HGS: variants seen among roughly 807,000 people sequenced by gnomAD.
HGS encodes the protein human growth factor-regulated tyrosine kinase substrate.
In HGS, 63 loss-of-function variants were observed where a neutral mutation model predicts 109.7. The observed-to-expected ratio is 0.57, with a 90% CI of 0.47 to 0.71. HGS has a LOEUF of 0.71. Ranked by LOEUF, HGS falls within the 30% of genes least tolerant of loss-of-function variation. HGS has a pLI of 0.00. For missense variants in HGS, 995 were observed against 1,068.3 expected, an observed-to-expected ratio of 0.93 and a Z score of 0.96; for synonymous variants, 546 against 437.3, an observed-to-expected ratio of 1.25 and a Z score of -3.10.
rs778811993 is a variant in HGS at position 81,700,727 on chromosome 17, G to C, written c.2049G>C (p.Pro683=). 6.5e-7 allele frequency: 1 copy of C among 1,532,630 alleles called. No individual in the cohort carries two copies. The highest frequency in any genetic ancestry group is 8.9e-7 in the Non-Finnish European group (1 of 1,129,818). 94.9% of individuals were successfully genotyped at this position (1,532,630 alleles called of 1,614,324 possible). ...NVASQAPQSL[P]AISQPPQSST... ...CCTCCCAGGCCCCACAGAGCCTCCC[G>C]GCCATCTCTCAGCCTCCGCAGTCCA... Residue 683 remains proline, a synonymous_variant, in exon 20 of 22, where the codon CCG becomes CCC. Coordinates refer to ENST00000329138, the MANE Select transcript of HGS (RefSeq NM_004712.5).
intron 4 of HGS, 45 bp from the exon 5 acceptor site, chr17:81,688,659 G>T (rs370688379): frequency 1.9e-6 from 3 of 1,608,872 alleles, no homozygotes; most frequent in Non-Finnish European, 2.5e-6. Flanking sequence ...GGCCTCTGGC[G>T]CCTGGAGTGT....
At chr17:81,701,008 G>A in intron 20 of HGS, 37 bp from the exon 21 acceptor site, 1 of 1,589,500 alleles carries the variant, frequency 6.3e-7, no homozygotes, top group Non-Finnish European at 8.6e-7. Context: ...CCTGGTCACA[G>A]GGCTACTCTC....
At chr17:81,684,601 G>A (rs575900573) in intron 1 of HGS, among the ~76,000 whole-genome samples, 12 of 152,312 alleles carry the variant, frequency 7.9e-5, no homozygotes, top group Non-Finnish European at 1.0e-4. Flanking sequence ...CACTGGCTTC[G>A]GGAAGTGCCT....
In HGS at chr17:81,694,471, T is replaced by C. The variant is rs185288811; in HGVS notation, c.937-344T>C. On this transcript the variant is annotated intron_variant, in intron 11 of 21. Coordinates refer to ENST00000329138, the MANE Select transcript of HGS (RefSeq NM_004712.5). Reference sequence around the variant, plus strand: ...CCCCAGTGAGCCACCCCTTCCCTTCTTCCCTTCCTTCCGGGCTGTCGGCTG... The same window carrying C: ...CCCCAGTGAGCCACCCCTTCCCTTCCTCCCTTCCTTCCGGGCTGTCGGCTG... Among the ~76,000 whole-genome samples the C allele has an allele frequency of 2.0e-5, 3 of 152,314 alleles. No individual in the cohort carries two copies. In the East Asian group the frequency reaches 5.8e-4, roughly 29 times the overall value.
At chr17:81,688,947 A>C in intron 5 of HGS, 120 bp downstream of exon 5, 1 of 1,367,570 alleles carries the variant, frequency 7.3e-7, no homozygotes, top group Non-Finnish European at 1.0e-6. Context: ...GGGAGGGAGG[A>C]GGGCGGTGGC....
rs1293530843 is a variant in HGS at position 81,696,749 on chromosome 17, C to T, written c.1707+2C>T. On this transcript the variant is annotated splice_donor_variant, in intron 17 of 21. Transcript: ENST00000329138. LOFTEE classifies it low-confidence loss of function (GC_TO_GT_DONOR). Reference sequence around the variant, plus strand: ...GCCTTCCCCCTGCCCTACGCCCAGGCATGTGCCATCCTCCCGCCACCCAGA... The same window carrying T: ...GCCTTCCCCCTGCCCTACGCCCAGGTATGTGCCATCCTCCCGCCACCCAGA... 6.2e-7 allele frequency: 1 copy of T among 1,604,422 alleles called. No individual in the cohort carries two copies. Among genetic ancestry groups the T allele is most frequent in the African/African-American group, 1.3e-5 (1 of 74,768 alleles).
chr17:81,696,972 A>G lies in HGS; in HGVS notation c.1856A>G (p.Tyr619Cys). 6.3e-7 allele frequency: 1 copy of G among 1,598,196 alleles called. No individual in the cohort carries two copies. ...MSQPAPAAGP[Y>C]PSMPSTAADP... The stretch of plus-strand genomic sequence containing the variant: ...CAGCCGGCCCCTGCCGCTGGCCCCT[A>G]CCCCAGCATGCCCAGCACTGCGGCT... The change falls in exon 18 of 22, where the codon TAC becomes TGC. Residue 619 changes from tyrosine (Y) to cysteine (C), a missense_variant. By Grantham distance (194) the Tyr-to-Cys change is radical. Coordinates refer to ENST00000329138, the MANE Select transcript of HGS (RefSeq NM_004712.5).
intron 11 of HGS, 121 bp downstream of exon 11, chr17:81,694,086 G>C: frequency 1.3e-6 from 1 of 795,674 alleles, no homozygotes; most frequent in Non-Finnish European, 1.9e-6. Context: ...GCTTCCCAGA[G>C]AGGACAGCCC....
chr17:81,697,429 C>T (rs1451409953), intron 18 of HGS: 1 of 150,348 alleles, frequency 6.7e-6, no homozygotes, highest in Non-Finnish European at 1.4e-5. Context: ...CCCAAGAGCA[C>T]TGGCCTGTCA....
At chr17:81,696,218 G>A (rs2037144748) in intron 15 of HGS, 139 bp from the exon 16 acceptor site, 5 of 1,177,162 alleles carry the variant, frequency 4.2e-6, no homozygotes, top group Non-Finnish European at 4.6e-6. Context: ...CCCTCTGCCT[G>A]CCTCCCCCAG....
Position 81,685,673 on chromosome 17 carries a change from C to T in HGS, c.106C>T (p.Arg36Cys). The change falls in exon 2 of 22, where the codon CGC becomes TGC. Residue 36 changes from arginine to cysteine, a missense_variant. Physicochemically the swap from Arg to Cys is radical, Grantham distance 180. Around this residue, in one of 6 missense-constraint regions of HGS, gnomAD observed 182 missense variants for 261.3 expected, o/e 0.70. Coordinates refer to ENST00000329138, the MANE Select transcript of HGS (RefSeq NM_004712.5). ...ESILQICDLI[R>C]QGDTQAKYAV... ...CATTTTGCAGATCTGCGACCTGATC[C>T]GCCAAGGGGACACACAGTGAGTTAG... is the stretch of plus-strand genomic sequence containing the variant. 1 of 1,612,076 alleles carries T rather than the reference C, an allele frequency of 6.2e-7. No individual in the cohort carries two copies. Among genetic ancestry groups the T allele is most frequent in the Non-Finnish European group, 8.5e-7 (1 of 1,179,174 alleles).
rs2144492586 is a variant in HGS, at chr17:81,691,545, T to C, written c.636T>C (p.Cys212=). 1 of 1,614,098 alleles carries C rather than the reference T, an allele frequency of 6.2e-7. No individual in the cohort carries two copies. Among genetic ancestry groups the C allele is most frequent in the Non-Finnish European group, 8.5e-7 (1 of 1,179,994 alleles). Residue 212 remains cysteine (C), a synonymous_variant, in exon 8 of 22, where the codon TGT becomes TGC. Transcript: ENST00000329138. The surrounding 1 kb of genome is among the most constrained non-coding windows in gnomAD (Gnocchi z 5.3). ...KFGIEKEVRV[C]EPCYEQLNRK... is the part of the protein sequence containing the mutation. ...GCATCGAGAAGGAGGTGCGCGTGTGTGAGCCCTGCTACGAGCAGCTGAACA... is the reference window on the plus strand; with the variant it reads ...GCATCGAGAAGGAGGTGCGCGTGTGCGAGCCCTGCTACGAGCAGCTGAACA...
rs576028027 is a variant in HGS at position 81,688,563 on chromosome 17, C to A, written c.292-141C>A. 1.3e-5 allele frequency: 13 copies of A among 991,190 alleles called. No homozygotes were observed. The South Asian group carries it at 1.6e-4, about 12-fold the overall frequency. The allele number at this position is 991,190 out of a possible 1,614,324, so 61.4% of individuals were successfully genotyped here. A position where few individuals can be genotyped will look rare whatever the true frequency, so the allele number is the denominator to read the frequency against. On this transcript the variant is annotated intron_variant, in intron 4 of 21. Transcript: ENST00000329138. ...GGAACAGGTTGGTGCATGGCCCCCA[C>A]GCCCCACTCGGGGGGCCCTCCCTGG... is the stretch of plus-strand genomic sequence containing the variant.
chr17:81,688,457 C>G lies in HGS; in HGVS notation c.292-247C>G, dbSNP rs190030569. ...CAGGTCCCGTGGGGAAAGGGAGAGA[C>G]AGATGGTCAGGGGCACAGAGACGCG... On this transcript the variant is annotated intron_variant, in intron 4 of 21. Transcript: ENST00000329138. 1.3e-4 allele frequency among the ~76,000 whole-genome samples: 20 copies of G among 152,318 alleles called. No individual in the cohort carries two copies. The East Asian group carries it at 3.3e-3, about 25-fold the overall frequency.
At chr17:81,697,123 C>T (rs928281969) in intron 18 of HGS, 125 bp downstream of exon 18, 1 of 1,043,190 alleles carries the variant, frequency 9.6e-7, no homozygotes. Flanking sequence ...AATGTTGTCC[C>T]TGCTTTTTCC....
chr17:81,690,050 C>T (rs927891344), intron 5 of HGS, 132 bp from the exon 6 acceptor site: 8 of 892,924 alleles, frequency 9.0e-6, no homozygotes, highest in Admixed American at 7.7e-5. Flanking sequence ...GAGGCTGTCT[C>T]GGTGCCCCCA....
At position 81,695,768 on chromosome 17, in the gene HGS, A is replaced by T. The variant is rs748488460; in HGVS notation, c.1180-18A>T. Reference sequence around the variant, plus strand: ...TGGGGCGTGGCCGCACTCATCCAGAACCCTGCTCTGCCTGCAGCCACAGTT... The same window carrying T: ...TGGGGCGTGGCCGCACTCATCCAGATCCCTGCTCTGCCTGCAGCCACAGTT... On this transcript the variant is annotated intron_variant, in intron 14 of 21. Transcript: ENST00000329138. 6.2e-7 allele frequency: 1 copy of T among 1,612,508 alleles called. No individual in the cohort carries two copies. Among genetic ancestry groups the T allele is most frequent in the Admixed American group, 1.7e-5 (1 of 60,024 alleles).
Position 81,688,742 on chromosome 17 carries a change from C to T in HGS, c.330C>T (p.Tyr110=), listed in dbSNP as rs371451697. ...TAAACGTCCGTAACAAGATCCTGTA[C>T]CTGATCCAGGCCTGGGCGCATGCCT... ...VEVNVRNKIL[Y]LIQAWAHAFR... is the part of the protein sequence containing the mutation. Residue 110 remains tyrosine, a synonymous_variant, in exon 5 of 22, where the codon TAC becomes TAT. Transcript: ENST00000329138. 6.2e-7 allele frequency: 1 copy of T among 1,614,096 alleles called. No individual in the cohort carries two copies. Among genetic ancestry groups the T allele is most frequent in the Non-Finnish European group, 8.5e-7 (1 of 1,179,982 alleles).
chr17:81,698,966 C>T (rs986915474), intron 18 of HGS, among the ~76,000 whole-genome samples: 2 of 151,664 alleles, frequency 1.3e-5, no homozygotes, highest in Non-Finnish European at 2.9e-5. Flanking sequence ...ACTTGGGAGG[C>T]TGAGGCAAGA....
Sources: gnomAD v4.1 joint callset for allele counts (sites outside exome capture counted in the v4.1 genomes callset) on GRCh38, gnomAD v4.1.1 for gene constraint, gnomAD v4.1.1 regional missense constraint, Gnocchi (gnomAD v3.1) non-coding constraint, MANE v1.5 for transcripts, NCBI Gene and HGNC (gene_info 2026-07-23, HGNC 2026-07-21) for gene names.